The following ESRRG variants were observed in gnomAD, a reference collection of about 807,000 sequenced individuals.
ESRRG encodes estrogen-related receptor gamma.
ESRRG carries 13 observed loss-of-function variants against 44.0 expected under a neutral mutation model. That is an observed-to-expected ratio of 0.30 (90% CI 0.19 to 0.47). The LOEUF (loss-of-function observed/expected upper bound fraction) is 0.47, where lower values mean the gene tolerates loss of function less well. Among genes scored for constraint, ESRRG ranks in the 20% least tolerant of loss-of-function variants. ESRRG has a pLI of 1.00. For synonymous variants in ESRRG, 215 were observed against 214.6 expected (o/e 1.00, Z -0.02); for missense variants, 395 against 580.6 (o/e 0.68, Z 3.29).
At chr1:216,896,493 G>C (rs7524372) in intron 2 of ESRRG, among the ~76,000 whole-genome samples, 78,990 of 151,900 alleles carry the variant, frequency 0.52, 21,296 homozygotes, top group East Asian at 0.81. Flanking sequence ...CAGATTGTTA[G>C]GGGGAGCTGC....
chr1:216,778,082 A>C (rs1309328155), intron 2 of ESRRG, among the ~76,000 whole-genome samples: 1 of 152,036 alleles, frequency 6.6e-6, no homozygotes, highest in African/African-American at 2.4e-5. Context: ...TATAAAACAG[A>C]CCAAACAGAG....
chr1:217,061,247 C>A (rs531241246), intron 1 of ESRRG, among the ~76,000 whole-genome samples: 47 of 152,122 alleles, frequency 3.1e-4, no homozygotes, highest in African/African-American at 1.1e-3. Flanking sequence ...TGATTCAACC[C>A]CCTATTACCG....
Position 216,605,863 on chromosome 1 carries a change from G to A in ESRRG, c.590-37765C>T, listed in dbSNP as rs114544638. On this transcript the variant is annotated intron_variant, in intron 3 of 6. Coordinates refer to ENST00000408911, the MANE Select transcript of ESRRG (RefSeq NM_001438.4). Reference sequence around the variant, plus strand: ...TGCAAGAAAAGCAAAAATCAATAAAGAGAGCTTAAATTAAAAAAAAAAAAA... The same window carrying A: ...TGCAAGAAAAGCAAAAATCAATAAAAAGAGCTTAAATTAAAAAAAAAAAAA... 4.7e-3 allele frequency among the ~76,000 whole-genome samples: 639 copies of A among 135,352 alleles called. 7 individuals are homozygous for A. Among genetic ancestry groups the A allele is most frequent in the African/African-American group, 0.018 (612 of 33,708 alleles). The allele number at this position is 135,352 out of a possible 152,430, so 88.8% of individuals were successfully genotyped here.
chr1:217,020,223 C>A (rs1405898842), intron 1 of ESRRG, among the ~76,000 whole-genome samples: 2 of 151,996 alleles, frequency 1.3e-5, no homozygotes, highest in Non-Finnish European at 2.9e-5. Flanking sequence ...TAAGGAGAGC[C>A]GATATCACAG....
intron 2 of ESRRG, among the ~76,000 whole-genome samples, chr1:216,733,818 C>T (rs1168983482): frequency 6.6e-6 from 1 of 151,860 alleles, no homozygotes; most frequent in Non-Finnish European, 1.5e-5. Flanking sequence ...TAGCAAAACC[C>T]CGTCTCTACT....
chr1:216,517,535 A>G (rs957860645), intron 6 of ESRRG, among the ~76,000 whole-genome samples: 4 of 152,204 alleles, frequency 2.6e-5, no homozygotes, highest in Non-Finnish European at 5.9e-5. Flanking sequence ...AAAAGATTTA[A>G]CACAGGCTTT....
At chr1:216,992,915 C>T (rs1342941963) in intron 1 of ESRRG, among the ~76,000 whole-genome samples, 2 of 152,186 alleles carry the variant, frequency 1.3e-5, no homozygotes, top group Non-Finnish European at 2.9e-5. Context: ...CCTCCCACAT[C>T]AAAGAGGCTT....
chr1:216,681,202 C>T (rs1350506352), intron 1 of ESRRG, among the ~76,000 whole-genome samples: 1 of 152,134 alleles, frequency 6.6e-6, no homozygotes, highest in Non-Finnish European at 1.5e-5. Flanking sequence ...ACTCCCTTCC[C>T]AAAACCTCTG....
At chr1:216,651,352 A>T (rs186816420) in intron 2 of ESRRG, among the ~76,000 whole-genome samples, 116 of 152,324 alleles carry the variant, frequency 7.6e-4, no homozygotes, top group African/African-American at 2.7e-3. Flanking sequence ...TGCTGAGTCC[A>T]CCCATGCAAA....
At chr1:216,682,608 A>G (rs1034412071) in intron 1 of ESRRG, among the ~76,000 whole-genome samples, 1 of 152,102 alleles carries the variant, frequency 6.6e-6, no homozygotes, top group African/African-American at 2.4e-5. Context: ...CAAAACAAAA[A>G]TGAATCTATG....
In ESRRG at chr1:216,919,248, G is replaced by C. The variant is rs183743623; in HGVS notation, c.-14+20334C>G. On this transcript the variant is annotated intron_variant, in intron 2 of 7. Transcript: ENST00000359162. ...TCATGCTCTTTCTCCTAGAGCCAAG[G>C]GTTTGCTAATTCCAAGTCACCTGCT... 4.8e-4 allele frequency among the ~76,000 whole-genome samples: 73 copies of C among 152,216 alleles called. No individual in the cohort carries two copies. The Middle Eastern group carries it at 0.041, about 85-fold the overall frequency.
At chr1:216,562,634 G>A (rs1254934050) in intron 5 of ESRRG, among the ~76,000 whole-genome samples, 3 of 151,952 alleles carry the variant, frequency 2.0e-5, no homozygotes, top group East Asian at 3.9e-4. Context: ...AATGAACAAG[G>A]GCAGCCCCTC....
chr1:217,080,408 G>T (rs1291906988), intron 1 of ESRRG, among the ~76,000 whole-genome samples: 1 of 152,062 alleles, frequency 6.6e-6, no homozygotes, highest in Non-Finnish European at 1.5e-5. Context: ...CAGTGCTCAT[G>T]CTGTCTATGT....
At chr1:216,512,164 C>T (rs2042906090) in intron 6 of ESRRG, among the ~76,000 whole-genome samples, 1 of 152,146 alleles carries the variant, frequency 6.6e-6, no homozygotes, top group South Asian at 2.1e-4. Flanking sequence ...CAGTTGCTAA[C>T]ATCACAAAAA....
At chr1:217,111,635 C>T (rs2092662643) in intron 1 of ESRRG, among the ~76,000 whole-genome samples, 1 of 151,998 alleles carries the variant, frequency 6.6e-6, no homozygotes, top group Admixed American at 6.6e-5. Context: ...ATTAAAATTT[C>T]TTATGTCTCC....
Position 216,677,058 on chromosome 1 carries a change from C to T in ESRRG, c.472+18G>A. The T allele has an allele frequency of 6.2e-7, 1 of 1,602,114 alleles. No homozygotes were observed. The highest frequency in any genetic ancestry group is 8.5e-7 in the Non-Finnish European group (1 of 1,170,934). ...TGAGGTTGGAAGTGGGGAGAGTATT[C>T]CCAGGTCCGACACTAACCTTGAATT... On this transcript the variant is annotated intron_variant, in intron 2 of 6. Transcript: ENST00000408911.
At chr1:216,519,129 A>G in intron 6 of ESRRG, 23 bp downstream of exon 6, 1 of 1,602,788 alleles carries the variant, frequency 6.2e-7, no homozygotes, top group Non-Finnish European at 8.5e-7. Flanking sequence ...AAAATGTAAC[A>G]ATGACTATGT....
At position 216,568,079 on chromosome 1, in the gene ESRRG, T is replaced by G. The variant is rs1193997792; in HGVS notation, c.609A>C (p.Val203=). 1 of 1,613,472 alleles carries G rather than the reference T, an allele frequency of 6.2e-7. No individual in the cohort carries two copies. The highest frequency in any genetic ancestry group is 2.2e-5 in the East Asian group (1 of 44,876). ...MLKEGVRLDR[V]RGGRQKYKRR... ...GCTTGTACTTCTGCCGACCTCCACG[T>G]ACTCTGTCAAGACGCACCCCTGTGA... The change falls in exon 4 of 7, where the codon GTA becomes GTC. Residue 203 remains valine, a synonymous_variant. Coordinates refer to ENST00000408911, the MANE Select transcript of ESRRG (RefSeq NM_001438.4).
intron 1 of ESRRG, among the ~76,000 whole-genome samples, chr1:217,020,892 C>G (rs1249834784): frequency 2.0e-5 from 3 of 151,978 alleles, no homozygotes; most frequent in African/African-American, 7.3e-5. Context: ...ACATGACTAC[C>G]AATTTTTTTA....
Sources: allele counts gnomAD v4.1 joint callset (sites outside exome capture counted in the v4.1 genomes callset), GRCh38; gene constraint gnomAD v4.1.1; transcripts MANE v1.5; gene names NCBI Gene and HGNC (gene_info 2026-07-23, HGNC 2026-07-21).